Variants in FKBP11 observed in about 807,000 individuals in gnomAD.
The protein encoded by FKBP11 is FKBP prolyl isomerase 11.
A neutral mutation model predicts 24.7 loss-of-function variants in FKBP11; 21 were observed. The observed-to-expected ratio is 0.85, with a 90% CI of 0.60 to 1.23. FKBP11 has a LOEUF of 1.23. Among genes scored for constraint, FKBP11 ranks in the 50% most tolerant of loss-of-function variants. The pLI, the probability that FKBP11 is intolerant of heterozygous loss-of-function variation, is 0.00. For missense variants in FKBP11, 245 were observed against 248.7 expected (o/e 0.99, Z 0.10); for synonymous variants, 106 against 100.6 (o/e 1.05, Z -0.32).
intron 5 of FKBP11, chr12:48,922,956 C>T (rs1228007671): frequency 1.1e-6 from 1 of 888,748 alleles, no homozygotes. Context: ...TGAGACCAGC[C>T]TGGCCAACAT....
the FKBP11 span, chr12:48,937,095 C>G: frequency 6.6e-6 from 1 of 152,582 alleles, no homozygotes. Context: ...ACACCTGCTG[C>G]ATCCTGGGTA....
chr12:48,924,044 CAACA>C (rs1939897029), intron 4 of FKBP11, 175 bp downstream of exon 4: 2 of 885,990 alleles, frequency 2.3e-6, no homozygotes, highest in Admixed American at 3.9e-5. Flanking sequence ...CCGACAAAAG[CAACA>C]GCGCAAGAGG....
intron 2 of FKBP11, 197 bp from the exon 3 acceptor site, chr12:48,924,845 C>A: frequency 6.9e-7 from 1 of 1,444,126 alleles, no homozygotes; most frequent in Non-Finnish European, 9.1e-7. Context: ...CTTCTCCGTG[C>A]CAGGTAGGAA....
chr12:48,922,659 A>G, intron 5 of FKBP11: 2 of 993,038 alleles, frequency 2.0e-6, no homozygotes, highest in Non-Finnish European at 2.4e-6. Context: ...GAGTTTCAAC[A>G]TAAGAGCTGA....
the FKBP11 span, among the ~76,000 whole-genome samples, chr12:48,932,221 A>ATATATT: frequency 5.7e-3 from 311 of 54,918 alleles, 16 homozygotes; most frequent in South Asian, 9.7e-3. Flanking sequence ...TCATATAAAC[A>ATATATT]TATATTTATA....
upstream of FKBP11, among the ~76,000 whole-genome samples, chr12:48,927,090 G>A (rs1442703476): frequency 6.6e-6 from 1 of 152,270 alleles, no homozygotes; most frequent in Non-Finnish European, 1.5e-5. Flanking sequence ...TTACAGGCGT[G>A]AGCCAATGCG....
chr12:48,931,208 T>C (rs1940046231), upstream of FKBP11, among the ~76,000 whole-genome samples: 1 of 140,910 alleles, frequency 7.1e-6, no homozygotes, highest in African/African-American at 2.6e-5. Context: ...TGGGAACACA[T>C]TGCAAGTTTC....
rs1592230895 is a variant in FKBP11, at chr12:48,923,708, A to C, written c.388+74T>G. Reference sequence around the variant, plus strand: ...GTCTGGATCTTCTCAAGCATCAAACAAAGTATATAGCTCCTTATAGCTCTT... The same window carrying C: ...GTCTGGATCTTCTCAAGCATCAAACCAAGTATATAGCTCCTTATAGCTCTT... On this transcript the variant is annotated intron_variant, in intron 5 of 5. Coordinates refer to ENST00000550765, the MANE Select transcript of FKBP11 (RefSeq NM_016594.3). The C allele has an allele frequency of 6.9e-6, 11 of 1,588,696 alleles. No homozygotes were observed. The East Asian group carries it at 2.2e-4, about 32-fold the overall frequency.
chr12:48,927,878 A>G (rs1053758332), upstream of FKBP11, among the ~76,000 whole-genome samples: 2 of 151,942 alleles, frequency 1.3e-5, no homozygotes, highest in African/African-American at 4.8e-5. Context: ...TGGATTGCCT[A>G]CCACCAGACA....
At chr12:48,931,164 G>C (rs939799637), upstream of FKBP11, among the ~76,000 whole-genome samples, 1 of 109,218 alleles carries the variant, frequency 9.2e-6, no homozygotes, top group African/African-American at 3.0e-5. Flanking sequence ...AAAAAGGCTA[G>C]TTGTGAAGAA....
the FKBP11 span, among the ~76,000 whole-genome samples, chr12:48,934,947 G>C: frequency 6.8e-6 from 1 of 147,870 alleles, no homozygotes; most frequent in Admixed American, 6.9e-5. Context: ...GGGAGCCCAG[G>C]AGGAGAGGCT....
the FKBP11 span, chr12:48,935,993 G>T: frequency 7.9e-5 from 12 of 152,242 alleles, no homozygotes; most frequent in Admixed American, 7.2e-4. Flanking sequence ...ATTCATTTGG[G>T]CTCCCCCGCC....
In FKBP11 at chr12:48,923,421, T is replaced by TGG. The variant is rs79755809; in HGVS notation, c.388+359_388+360dup. The TGG allele has an allele frequency of 2.2e-5, 33 of 1,501,310 alleles. 1 individual carries two copies. Among genetic ancestry groups the TGG allele is most frequent in the Middle Eastern group, 4.7e-4 (2 of 4,218 alleles). 93.0% of individuals were successfully genotyped at this position (1,501,310 alleles called of 1,614,324 possible). A position where few individuals can be genotyped will look rare whatever the true frequency, so the allele number is the denominator to read the frequency against. The stretch of plus-strand genomic sequence containing the variant: ...CCTGATGGAGGCTGAAAGGAAGGGG[T>TGG]GGGGGGTGGCTGTACAGCTGACACA... On this transcript the variant is annotated intron_variant, in intron 5 of 5. Transcript: ENST00000550765.
intron 4 of FKBP11, 57 bp from the exon 5 acceptor site, chr12:48,923,909 A>C (rs552743549): frequency 5.9e-6 from 9 of 1,537,302 alleles, no homozygotes; most frequent in Middle Eastern, 1.7e-4. Context: ...CAGCAGCCTC[A>C]GTCCAGCTGA....
At chr12:48,932,852 C>T in the FKBP11 span, among the ~76,000 whole-genome samples, 1 of 152,124 alleles carries the variant, frequency 6.6e-6, no homozygotes, top group African/African-American at 2.4e-5. Flanking sequence ...GACTGCCAGA[C>T]AGCTCTCAAT....
At chr12:48,925,504 G>A, upstream of FKBP11, 1 of 1,495,598 alleles carries the variant, frequency 6.7e-7, no homozygotes. Context: ...GCGTTCCCGC[G>A]GCGCCCAGGC....
intron 5 of FKBP11, chr12:48,922,897 C>T: frequency 9.4e-7 from 1 of 1,067,212 alleles, no homozygotes; most frequent in Non-Finnish European, 1.1e-6. Flanking sequence ...GCCTGTAATC[C>T]CCGCACTTTG....
intron 3 of FKBP11, 129 bp from the exon 4 acceptor site, chr12:48,924,385 A>C (rs572510908): frequency 7.7e-7 from 1 of 1,297,136 alleles, no homozygotes; most frequent in East Asian, 2.4e-5. Flanking sequence ...CTGGCTTCCA[A>C]TAGGATATGG....
At chr12:48,928,979 C>T (rs541628428), upstream of FKBP11, among the ~76,000 whole-genome samples, 74 of 149,008 alleles carry the variant, frequency 5.0e-4, 2 homozygotes, top group African/African-American at 1.5e-3. Context: ...CCCGCCATCA[C>T]GCCCAGCTAA....
Sources: gnomAD v4.1 joint callset for allele counts (sites outside exome capture counted in the v4.1 genomes callset) on GRCh38, gnomAD v4.1.1 for gene constraint, MANE v1.5 for transcripts, NCBI Gene and HGNC (gene_info 2026-07-23, HGNC 2026-07-21) for gene names.